Variants in DOCK8 observed in about 807,000 individuals in gnomAD.
DOCK8 encodes the protein dedicator of cytokinesis 8.
In DOCK8, 141 loss-of-function variants were observed where a neutral mutation model predicts 245.6. That is an observed-to-expected ratio of 0.57 (90% confidence interval 0.50 to 0.66). DOCK8 has a LOEUF of 0.66. Among genes scored for constraint, DOCK8 ranks in the 30% least tolerant of loss-of-function variants. DOCK8 has a pLI of 0.00. For missense variants in DOCK8, 2,965 were observed against 2,603.4 expected (o/e 1.14, Z -3.02); for synonymous variants, 1,168 against 970.2 (o/e 1.20, Z -3.79).
At chr9:215,223 C>A in intron 1 of DOCK8, 194 bp downstream of exon 1, 1 of 1,549,702 alleles carries the variant, frequency 6.5e-7, no homozygotes, top group Non-Finnish European at 8.7e-7. Context: ...CTGCGCTGGG[C>A]CCGGCGAGGT....
intron 4 of DOCK8, among the ~76,000 whole-genome samples, chr9:291,908 A>AT (rs2049056448): frequency 1.3e-5 from 2 of 151,574 alleles, no homozygotes; most frequent in South Asian, 2.1e-4. Flanking sequence ...CTCTAAAAAA[A>AT]TTTTTTAAAA....
At chr9:412,186 T>G (rs2055762437) in intron 28 of DOCK8, among the ~76,000 whole-genome samples, 1 of 152,064 alleles carries the variant, frequency 6.6e-6, no homozygotes, top group African/African-American at 2.4e-5. Context: ...ACAGATCGCT[T>G]TGAGCCCAGG....
intron 2 of DOCK8, among the ~76,000 whole-genome samples, chr9:280,429 T>G (rs12349487): frequency 0.24 from 36,109 of 152,062 alleles, 4,668 homozygotes; most frequent in African/African-American, 0.33. Context: ...GAAATCCATA[T>G]GGATGTGTGT....
At chr9:355,732 A>G (rs900838416) in intron 14 of DOCK8, among the ~76,000 whole-genome samples, 1 of 152,112 alleles carries the variant, frequency 6.6e-6, no homozygotes, top group African/African-American at 2.4e-5. Flanking sequence ...ATATGAAGGA[A>G]TGGATTCATT....
At chr9:329,712 G>C (rs1013254777) in intron 9 of DOCK8, among the ~76,000 whole-genome samples, 2 of 152,190 alleles carry the variant, frequency 1.3e-5, no homozygotes, top group Non-Finnish European at 2.9e-5. Flanking sequence ...GTTCTATAGA[G>C]CCAAATTTTA....
chr9:238,849 G>A (rs558364220), intron 1 of DOCK8, among the ~76,000 whole-genome samples: 2 of 152,182 alleles, frequency 1.3e-5, no homozygotes, highest in African/African-American at 4.8e-5. Flanking sequence ...AGTTATTCCA[G>A]TTCGGGGTCG....
At chr9:316,237 A>G (rs1183403494) in intron 6 of DOCK8, among the ~76,000 whole-genome samples, 1 of 152,246 alleles carries the variant, frequency 6.6e-6, no homozygotes, top group Non-Finnish European at 1.5e-5. Flanking sequence ...CGATGGGCAG[A>G]GCACTCACCA....
At chr9:265,191 C>A (rs577777562) in intron 1 of DOCK8, among the ~76,000 whole-genome samples, 67 of 152,316 alleles carry the variant, frequency 4.4e-4, no homozygotes, top group African/African-American at 1.6e-3. Context: ...CTTGGCCTCC[C>A]AAAGTGCTGG....
chr9:239,752 TACAC>T (rs1211595546), intron 1 of DOCK8, among the ~76,000 whole-genome samples: 2 of 152,228 alleles, frequency 1.3e-5, no homozygotes, highest in African/African-American at 4.8e-5. Context: ...TTTTTTCAGA[TACAC>T]ACATACATAC....
intron 14 of DOCK8, among the ~76,000 whole-genome samples, chr9:346,408 C>T (rs543751035): frequency 2.6e-5 from 4 of 152,134 alleles, no homozygotes; most frequent in Admixed American, 1.3e-4. Flanking sequence ...ATCCTGCGGC[C>T]GCCAGAGGGG....
In DOCK8 at chr9:396,827, G is replaced by A. The variant is rs2054482226; in HGVS notation, c.3013G>A (p.Asp1005Asn). ...GCACGTACATAACATGGACAAACGG[G>A]ACAGTTTTCGGAGGACTCGTTTTTC... Reference protein sequence around the residue: ...AQHVHNMDKRDSFRRTRFSDR... With the variant: ...AQHVHNMDKRNSFRRTRFSDR... Residue 1005 changes from aspartate to asparagine, a missense_variant, in exon 25 of 48, where the codon GAC becomes AAC. This residue lies in a region of DOCK8 where 2,825 missense variants were observed against 2,453.5 expected (regional missense o/e 1.15). Transcript: ENST00000432829. The A allele has an allele frequency of 6.2e-7, 1 of 1,614,146 alleles. No homozygotes were observed. Among genetic ancestry groups the A allele is most frequent in the Middle Eastern group, 1.6e-4 (1 of 6,062 alleles).
At chr9:241,322 G>A (rs11788711) in intron 1 of DOCK8, among the ~76,000 whole-genome samples, 12,444 of 152,102 alleles carry the variant, frequency 0.082, 527 homozygotes, top group South Asian at 0.13. Context: ...GCACTAGAAC[G>A]TATTCCTCCT....
At chr9:215,310 G>T in intron 1 of DOCK8, 1 of 1,605,220 alleles carries the variant, frequency 6.2e-7, no homozygotes, top group South Asian at 1.1e-5. Context: ...CGCCCGCTCC[G>T]CCCTCCAGGT....
intron 23 of DOCK8, among the ~76,000 whole-genome samples, chr9:388,923 C>G (rs1474042592): frequency 6.6e-6 from 1 of 152,000 alleles, no homozygotes; most frequent in African/African-American, 2.4e-5. Flanking sequence ...TAGGTGTTGA[C>G]TTTAAAACTT....
intron 2 of DOCK8, among the ~76,000 whole-genome samples, chr9:274,403 A>T (rs1365509977): frequency 9.3e-5 from 14 of 151,138 alleles, no homozygotes; most frequent in Admixed American, 9.2e-4. Context: ...CAACTTCAGT[A>T]TATGGCTCTT....
chr9:338,714 G>A (rs150698148), intron 12 of DOCK8, among the ~76,000 whole-genome samples: 4 of 152,136 alleles, frequency 2.6e-5, no homozygotes, highest in East Asian at 3.9e-4. Context: ...GAGAGTTATC[G>A]GGGGGAAGCT....
intron 23 of DOCK8, among the ~76,000 whole-genome samples, chr9:387,442 CAAAA>C (rs139131854): frequency 1.3e-5 from 1 of 77,100 alleles, no homozygotes; most frequent in Non-Finnish European, 2.7e-5. Context: ...GACTCCATTT[CAAAA>C]AAAAAAAAAA....
chr9:422,261 T>C (rs1364086007), intron 33 of DOCK8, 126 bp downstream of exon 33: 1 of 823,916 alleles, frequency 1.2e-6, no homozygotes, highest in African/African-American at 1.7e-5. Context: ...ATTATCTGTG[T>C]AAATACAATT....
At chr9:373,279 A>G (rs754762142) in intron 18 of DOCK8, among the ~76,000 whole-genome samples, 1 of 152,208 alleles carries the variant, frequency 6.6e-6, no homozygotes, top group Admixed American at 6.5e-5. Context: ...GTTTACATCA[A>G]TAAGTATTAT....
Sources: allele counts gnomAD v4.1 joint callset (sites outside exome capture counted in the v4.1 genomes callset), GRCh38; gene constraint gnomAD v4.1.1; regional missense constraint gnomAD v4.1.1; transcripts MANE v1.5; gene names NCBI Gene and HGNC (gene_info 2026-07-23, HGNC 2026-07-21).